The following PTPRD variants were observed in gnomAD, a reference collection of about 807,000 sequenced individuals.
The protein encoded by PTPRD is protein tyrosine phosphatase receptor type D.
A neutral mutation model predicts 214.5 loss-of-function variants in PTPRD; 34 were observed. The ratio of observed to expected loss-of-function variants is 0.16; its 90% CI spans 0.12 to 0.21. PTPRD has a LOEUF of 0.21. Among genes scored for constraint, PTPRD ranks in the 10% least tolerant of loss-of-function variants. PTPRD has a pLI of 1.00. For missense variants in PTPRD, 2,545 were observed against 2,398.7 expected (o/e 1.06, Z -1.27); for synonymous variants, 1,128 against 845.7 (o/e 1.33, Z -5.79).
intron 10 of PTPRD, among the ~76,000 whole-genome samples, chr9:9,042,763 G>T (rs1382510996): frequency 6.6e-6 from 1 of 151,804 alleles, no homozygotes; most frequent in Non-Finnish European, 1.5e-5. Context: ...CAGATACTTG[G>T]TTTCCCAGCC....
At chr9:8,978,465 T>C (rs2099280743) in intron 11 of PTPRD, among the ~76,000 whole-genome samples, 3 of 152,214 alleles carry the variant, frequency 2.0e-5, no homozygotes, top group Admixed American at 6.5e-5. Flanking sequence ...ATGAGGAAGA[T>C]TTAGGTACAT....
chr9:8,964,402 T>C (rs575209635), intron 11 of PTPRD, among the ~76,000 whole-genome samples: 5 of 151,864 alleles, frequency 3.3e-5, no homozygotes, highest in Admixed American at 2.0e-4. Context: ...TCAGTTGTAA[T>C]GTCACTGTTG....
chr9:9,106,196 T>C (rs2099798339), intron 10 of PTPRD, among the ~76,000 whole-genome samples: 1 of 152,052 alleles, frequency 6.6e-6, no homozygotes, highest in Non-Finnish European at 1.5e-5. Context: ...TCATTTAATC[T>C]ATGTTGAATC....
chr9:9,121,721 G>A (rs979819385), intron 10 of PTPRD, among the ~76,000 whole-genome samples: 10 of 152,070 alleles, frequency 6.6e-5, no homozygotes, highest in Admixed American at 2.6e-4. Flanking sequence ...ATGGTGCAGT[G>A]TATACTGCTC....
At chr9:9,817,154 T>C (rs1280211526) in intron 5 of PTPRD, among the ~76,000 whole-genome samples, 1 of 152,134 alleles carries the variant, frequency 6.6e-6, no homozygotes, top group African/African-American at 2.4e-5. Flanking sequence ...AGACAAGTCA[T>C]ATAAATAAAA....
At chr9:8,760,598 CTGTGTGTGTGTGTG>C (rs34488235) in intron 11 of PTPRD, among the ~76,000 whole-genome samples, 7 of 145,008 alleles carry the variant, frequency 4.8e-5, no homozygotes, top group Admixed American at 2.1e-4. Flanking sequence ...CTCTCTCTGT[CTGTGTGTGTGTGTG>C]TGTGTGTGTG....
intron 9 of PTPRD, among the ~76,000 whole-genome samples, chr9:9,330,942 A>G (rs1420711430): frequency 6.6e-6 from 1 of 151,444 alleles, no homozygotes; most frequent in Non-Finnish European, 1.5e-5. Flanking sequence ...TGCAGCAATT[A>G]ACAGAAAGCT....
chr9:8,983,714 C>T (rs1448926903), intron 11 of PTPRD, among the ~76,000 whole-genome samples: 4 of 151,748 alleles, frequency 2.6e-5, no homozygotes, highest in Non-Finnish European at 5.9e-5. Flanking sequence ...GACAGGGTCT[C>T]ATTATGTTGC....
chr9:9,413,100 CTTTTTTTTTTTTTTT>C (rs5896325), intron 8 of PTPRD, among the ~76,000 whole-genome samples: 1 of 63,020 alleles, frequency 1.6e-5, no homozygotes, highest in Non-Finnish European at 2.6e-5. Flanking sequence ...CTTGCAGCTT[CTTTTTTTTTTTTTTT>C]TTTTTTTTTT....
At chr9:9,451,332 T>A (rs1437196420) in intron 8 of PTPRD, among the ~76,000 whole-genome samples, 5 of 151,692 alleles carry the variant, frequency 3.3e-5, no homozygotes, top group African/African-American at 1.2e-4. Context: ...ATTTTAGCAT[T>A]AAATAGAAAT....
chr9:9,339,413 G>C (rs962381783), intron 9 of PTPRD, among the ~76,000 whole-genome samples: 1 of 151,978 alleles, frequency 6.6e-6, no homozygotes, highest in Admixed American at 6.6e-5. Context: ...GTGAACCTGA[G>C]AGGAGGAGCT....
chr9:9,653,721 T>C (rs1485795334), intron 7 of PTPRD, among the ~76,000 whole-genome samples: 2 of 152,186 alleles, frequency 1.3e-5, no homozygotes, highest in Non-Finnish European at 2.9e-5. Context: ...TAAAAATTAG[T>C]GTTTTGGATA....
intron 2 of PTPRD, among the ~76,000 whole-genome samples, chr9:10,464,749 C>G (rs1453882636): frequency 6.6e-6 from 1 of 151,336 alleles, no homozygotes; most frequent in African/African-American, 2.4e-5. Context: ...CTCATGTAAC[C>G]CAGAGATAAA....
chr9:9,348,679 C>G (rs2049898440), intron 9 of PTPRD, among the ~76,000 whole-genome samples: 1 of 152,112 alleles, frequency 6.6e-6, no homozygotes, highest in African/African-American at 2.4e-5. Flanking sequence ...CAGATTCCAG[C>G]ATTTTCTTGA....
chr9:9,664,997 C>T (rs561266942), intron 7 of PTPRD, among the ~76,000 whole-genome samples: 2 of 151,646 alleles, frequency 1.3e-5, no homozygotes, highest in African/African-American at 2.4e-5. Context: ...AGCCTTCATA[C>T]TCATATTATT....
chr9:10,214,357 A>G (rs1052207579), intron 3 of PTPRD, among the ~76,000 whole-genome samples: 1 of 151,442 alleles, frequency 6.6e-6, no homozygotes, highest in South Asian at 2.1e-4. Flanking sequence ...GCTCACTGCA[A>G]CCTCTACCTC....
chr9:9,020,664 A>G (rs539554300), intron 10 of PTPRD, among the ~76,000 whole-genome samples: 7 of 152,310 alleles, frequency 4.6e-5, no homozygotes, highest in Non-Finnish European at 8.8e-5. Context: ...ATTATATTTG[A>G]AATGCCTGTG....
intron 9 of PTPRD, among the ~76,000 whole-genome samples, chr9:9,258,647 CA>C (rs2099978811): frequency 6.6e-6 from 1 of 151,576 alleles, no homozygotes; most frequent in South Asian, 2.1e-4. Context: ...CTTTCTTTTC[CA>C]AAATGTTTCT....
chr9:9,188,221 T>G (rs1432482958), intron 9 of PTPRD, among the ~76,000 whole-genome samples: 1 of 152,116 alleles, frequency 6.6e-6, no homozygotes, highest in Non-Finnish European at 1.5e-5. Context: ...TACATTCATG[T>G]TGTAATTTGT....
Sources: allele counts gnomAD v4.1 joint callset (sites outside exome capture counted in the v4.1 genomes callset), GRCh38; gene constraint gnomAD v4.1.1; transcripts MANE v1.5; gene names NCBI Gene and HGNC (gene_info 2026-07-23, HGNC 2026-07-21).